MROH2B: variants seen among roughly 807,000 people sequenced by gnomAD.
The protein encoded by MROH2B is maestro heat-like repeat-containing protein family member 2B.
Under a neutral mutation model 208.6 loss-of-function variants are expected in MROH2B, and 177 were observed. The observed-to-expected ratio is 0.85, with a 90% confidence interval of 0.75 to 0.96. The LOEUF is 0.96. Ranked by LOEUF, MROH2B falls within the 40% of genes least tolerant of loss-of-function variation. MROH2B has a pLI of 0.00. For synonymous variants in MROH2B, 728 were observed against 659.0 expected (o/e 1.10, Z -1.60); for missense variants, 2,002 against 1,878.7 (o/e 1.07, Z -1.21).
chr5:41,042,836 C>T (rs963032460), intron 18 of MROH2B, among the ~76,000 whole-genome samples: 10 of 152,136 alleles, frequency 6.6e-5, no homozygotes, highest in Non-Finnish European at 1.3e-4. Flanking sequence ...GACTCCTGGC[C>T]TCAAGGGATC....
chr5:41,052,708 A>C, intron 11 of MROH2B, 121 bp from the exon 12 acceptor site: 1 of 915,726 alleles, frequency 1.1e-6, no homozygotes, highest in Admixed American at 3.1e-5. Flanking sequence ...AAGGAACATA[A>C]ATTGAATAGT....
rs766752694 is a variant in MROH2B at position 41,038,783 on chromosome 5, G to T, written c.2167C>A (p.Gln723Lys). ...PKKQLLSRLN[Q>K]DIISQVLSLH... is the part of the protein sequence containing the mutation. ...GACAGGACTTGGGATATGATATCTTGATTAAGTCTGGAGAGAAGTTGCTTC... is the reference window on the plus strand; with the variant it reads ...GACAGGACTTGGGATATGATATCTTTATTAAGTCTGGAGAGAAGTTGCTTC... Residue 723 changes from glutamine (Q) to lysine (K), a missense_variant, in exon 21 of 42, where the codon CAA becomes AAA. By Grantham distance (53) the Gln-to-Lys change is moderately conservative. Transcript: ENST00000399564. 2 of 1,613,584 alleles carry T rather than the reference G, an allele frequency of 1.2e-6. No individual in the cohort carries two copies. The highest frequency in any genetic ancestry group is 2.2e-5 in the East Asian group (1 of 44,868).
chr5:41,070,103 A>G (rs951146779), intron 1 of MROH2B, among the ~76,000 whole-genome samples: 1 of 152,090 alleles, frequency 6.6e-6, no homozygotes, highest in African/African-American at 2.4e-5. Flanking sequence ...CTCCTGACTT[A>G]AGCATTAGAA....
At position 41,064,515 on chromosome 5, in the gene MROH2B, G is replaced by A. The variant is rs778975911; in HGVS notation, c.417C>T (p.Leu139=). The change falls in exon 5 of 42, where the codon CTC becomes CTT. Residue 139 remains leucine (L), a synonymous_variant. Transcript: ENST00000399564. ...TCATCCTTTCATCCTCGGCCAGCCT[G>A]AGCATGGTTTGCATGGTGAGCAGGG... ...MMTLLTMQTM[L]RLAEDERMKG... The A allele has an allele frequency of 1.0e-4, 167 of 1,613,398 alleles. No homozygotes were observed. Among genetic ancestry groups the A allele is most frequent in the Non-Finnish European group, 1.2e-4 (138 of 1,179,618 alleles).
In MROH2B at chr5:40,999,754, C is replaced by T. The variant is rs763712723; in HGVS notation, c.4508G>A (p.Trp1503Ter). 33 of 1,613,346 alleles carry T rather than the reference C, an allele frequency of 2.0e-5. No homozygotes were observed. The highest frequency in any genetic ancestry group is 2.5e-5 in the Non-Finnish European group (30 of 1,179,578). The change falls in exon 40 of 42, where the codon TGG becomes TAG. Residue 1503 changes from tryptophan to a stop codon, truncating the protein, a stop_gained. Transcript: ENST00000399564. LOFTEE classifies it high-confidence loss of function. ...KLAKKNQEIL[W>*]ILHTHSFTFF... ...GGTGAAGGAGTGTGTGTGGAGGATC[C>T]ACAGAATTTCCTGGTTTTTCTTGGC...
At chr5:41,043,007 A>G (rs915280732) in intron 18 of MROH2B, among the ~76,000 whole-genome samples, 3 of 152,232 alleles carry the variant, frequency 2.0e-5, no homozygotes, top group South Asian at 2.1e-4. Flanking sequence ...ATTGTCACAC[A>G]CAAGAGACAA....
Position 41,015,395 on chromosome 5 carries a change from A to G in MROH2B, c.2968T>C (p.Ser990Pro), listed in dbSNP as rs1256063098. The G allele has an allele frequency of 6.2e-7, 1 of 1,613,420 alleles. No homozygotes were observed. The highest frequency in any genetic ancestry group is 2.2e-5 in the East Asian group (1 of 44,872). Residue 990 changes from serine (S) to proline (P), a missense_variant, in exon 29 of 42, where the codon TCT becomes CCT. By Grantham distance (74) the Ser-to-Pro change is moderately conservative (BLOSUM62 -1). Transcript: ENST00000399564. ...DDVQVQIKISSKIAKIVSKFI... is the reference protein window; with the variant it reads ...DDVQVQIKISPKIAKIVSKFI... The stretch of plus-strand genomic sequence containing the variant: ...ATATTTATTACCTTAGCTATTTTAG[A>G]AGAAATCTTGATCTGAACCTGCACG...
At chr5:41,038,554 G>A (rs74788209) in intron 21 of MROH2B, among the ~76,000 whole-genome samples, 182 bp downstream of exon 21, 7,808 of 152,172 alleles carry the variant, frequency 0.051, 246 homozygotes, top group Non-Finnish European at 0.076. Context: ...TGCAAAACAC[G>A]TTTTATTCTT....
Position 41,009,975 on chromosome 5 carries a change from A to T in MROH2B, c.3240T>A (p.Phe1080Leu). The change falls in exon 31 of 42, where the codon TTT becomes TTA. Residue 1080 changes from phenylalanine (F) to leucine (L), a missense_variant. By Grantham distance (22) the Phe-to-Leu change is conservative (BLOSUM62 0). Coordinates refer to ENST00000399564, the MANE Select transcript of MROH2B (RefSeq NM_173489.5). ...ILEAISQIAS[F>L]HMDTVVVNLL... ...GGTTGACAACAACTGTATCCATGTG[A>T]AAGCTGGCTATCTGGGAGATGGCTT... The T allele has an allele frequency of 6.2e-7, 1 of 1,613,892 alleles. No individual in the cohort carries two copies. The highest frequency in any genetic ancestry group is 8.5e-7 in the Non-Finnish European group (1 of 1,179,820).
Position 41,048,481 on chromosome 5 carries a change from G to C in MROH2B, c.1543-16C>G. On this transcript the variant is annotated splice_polypyrimidine_tract_variant and intron_variant, in intron 15 of 41. Transcript: ENST00000399564. ...TAGATATTACCTGAAGGATAGAAGA[G>C]AAGGAGCTCATCAATTTCAGGGGCG... 6.3e-7 allele frequency: 1 copy of C among 1,585,632 alleles called. No homozygotes were observed. The highest frequency in any genetic ancestry group is 8.5e-7 in the Non-Finnish European group (1 of 1,170,018).
At chr5:41,027,568 G>A (rs571902790) in intron 24 of MROH2B, among the ~76,000 whole-genome samples, 2 of 152,166 alleles carry the variant, frequency 1.3e-5, no homozygotes, top group African/African-American at 2.4e-5. Flanking sequence ...TGGAGAAATA[G>A]GAACACTTTT....
chr5:41,001,434 G>A (rs368302481), intron 37 of MROH2B, among the ~76,000 whole-genome samples: 6 of 152,208 alleles, frequency 3.9e-5, no homozygotes, highest in East Asian at 3.9e-4. Flanking sequence ...AAGAGAGGCC[G>A]GGTGCAGTGG....
chr5:41,000,623 T>A, intron 38 of MROH2B, 55 bp downstream of exon 38: 1 of 1,549,802 alleles, frequency 6.5e-7, no homozygotes, highest in South Asian at 1.3e-5. Flanking sequence ...GGCTTATTGG[T>A]ACTTCTCAGC....
intron 1 of MROH2B, among the ~76,000 whole-genome samples, chr5:41,070,366 T>C (rs1743950027): frequency 6.6e-6 from 1 of 152,146 alleles, no homozygotes; most frequent in South Asian, 2.1e-4. Flanking sequence ...TCAAAGGAAT[T>C]GAGCAATTTC....
chr5:41,058,948 C>T (rs10042553), intron 6 of MROH2B, among the ~76,000 whole-genome samples: 43,224 of 149,684 alleles, frequency 0.29, 6,355 homozygotes, highest in South Asian at 0.38. Flanking sequence ...CTTGGGAGGC[C>T]GAAGCAGGAG....
intron 24 of MROH2B, among the ~76,000 whole-genome samples, chr5:41,029,023 A>G (rs1742475896): frequency 6.6e-6 from 1 of 152,026 alleles, no homozygotes; most frequent in African/African-American, 2.4e-5. Context: ...TAGTAATTCT[A>G]TTTTTAATTT....
chr5:41,009,952 T>C lies in MROH2B; in HGVS notation c.3263A>G (p.Asn1088Ser). 6.2e-7 allele frequency: 1 copy of C among 1,613,750 alleles called. No homozygotes were observed. The highest frequency in any genetic ancestry group is 1.1e-5 in the South Asian group (1 of 91,052). ...ASFHMDTVVVNLLQKPLPFDR... is the reference protein window; with the variant it reads ...ASFHMDTVVVSLLQKPLPFDR... ...AAAAGGCAGAGGCTTCTGTAAAAGG[T>C]TGACAACAACTGTATCCATGTGAAA... Residue 1088 changes from asparagine to serine, a missense_variant, in exon 31 of 42, where the codon AAC (asparagine) becomes AGC (serine). By Grantham distance (46) the Asn-to-Ser change is conservative (BLOSUM62 1). Coordinates refer to ENST00000399564, the MANE Select transcript of MROH2B (RefSeq NM_173489.5).
intron 37 of MROH2B, 41 bp downstream of exon 37, chr5:41,004,305 C>T (rs1378336216): frequency 4.4e-6 from 7 of 1,589,342 alleles, no homozygotes; most frequent in Non-Finnish European, 6.0e-6. Flanking sequence ...TTTCTGTTCA[C>T]TCACTTCTGG....
chr5:41,017,702 A>T (rs574749270), intron 28 of MROH2B, 148 bp downstream of exon 28: 39 of 775,176 alleles, frequency 5.0e-5, no homozygotes, highest in Non-Finnish European at 7.1e-5. Flanking sequence ...TGGGGAGGGG[A>T]GAGGAGAGGA....
Sources: gnomAD v4.1 joint callset for allele counts (sites outside exome capture counted in the v4.1 genomes callset) on GRCh38, gnomAD v4.1.1 for gene constraint, MANE v1.5 for transcripts, NCBI Gene and HGNC (gene_info 2026-07-23, HGNC 2026-07-21) for gene names.